Variants in RALGPS1 observed in about 807,000 individuals in gnomAD.
The protein encoded by RALGPS1 is ras-specific guanine nucleotide-releasing factor RalGPS1.
RALGPS1 carries 19 observed loss-of-function variants against 78.8 expected under a neutral mutation model. The ratio of observed to expected loss-of-function variants is 0.24; its 90% CI spans 0.17 to 0.35. RALGPS1 has a LOEUF of 0.35. RALGPS1 is among the 10% of genes least tolerant of loss of function. RALGPS1 has a pLI of 1.00. For missense variants in RALGPS1, 454 were observed against 688.3 expected (o/e 0.66, Z 3.81); for synonymous variants, 228 against 256.3 (o/e 0.89, Z 1.06).
chr9:126,991,482 G>A (rs568910513), intron 4 of RALGPS1, among the ~76,000 whole-genome samples: 3 of 152,250 alleles, frequency 2.0e-5, no homozygotes, highest in African/African-American at 7.2e-5. Flanking sequence ...AGAGCCTTTG[G>A]TGAACAGCTG....
intron 7 of RALGPS1, among the ~76,000 whole-genome samples, chr9:127,054,587 G>A (rs1251822262): frequency 2.0e-5 from 3 of 152,148 alleles, no homozygotes; most frequent in African/African-American, 7.2e-5. Flanking sequence ...GCAGCAGCAG[G>A]TCACAGCAGT....
intron 7 of RALGPS1, among the ~76,000 whole-genome samples, chr9:127,061,342 A>G (rs748476654): frequency 6.6e-6 from 1 of 152,174 alleles, no homozygotes; most frequent in African/African-American, 2.4e-5. Flanking sequence ...GCCATAATCA[A>G]CTCATTCTTT....
intron 5 of RALGPS1, among the ~76,000 whole-genome samples, chr9:127,036,561 G>C (rs2046881165): frequency 6.6e-6 from 1 of 152,204 alleles, no homozygotes; most frequent in South Asian, 2.1e-4. Context: ...AGAGAAATGT[G>C]AAGATCAGCT....
intron 1 of RALGPS1, among the ~76,000 whole-genome samples, chr9:126,924,497 T>A (rs2035074378): frequency 6.6e-6 from 1 of 152,180 alleles, no homozygotes; most frequent in Non-Finnish European, 1.5e-5. Context: ...GAAAGATCAA[T>A]GAATATGAAG....
At chr9:127,162,171 TGCTC>T (rs2059059093) in intron 8 of RALGPS1, among the ~76,000 whole-genome samples, 2 of 152,230 alleles carry the variant, frequency 1.3e-5, no homozygotes, top group Non-Finnish European at 2.9e-5. Flanking sequence ...AGCTCCTGTG[TGCTC>T]AGTTCTAGAT....
At chr9:127,072,332 C>T (rs1382047519) in intron 8 of RALGPS1, among the ~76,000 whole-genome samples, 1 of 152,170 alleles carries the variant, frequency 6.6e-6, no homozygotes, top group African/African-American at 2.4e-5. Flanking sequence ...CCCGCCTCAG[C>T]CTCCCAAGTA....
intron 7 of RALGPS1, among the ~76,000 whole-genome samples, chr9:127,062,064 A>ATG (rs1221876819): frequency 2.0e-5 from 3 of 152,044 alleles, no homozygotes; most frequent in Non-Finnish European, 4.4e-5. Flanking sequence ...ATGTATGTAT[A>ATG]TGTGTGTGTG....
chr9:126,933,824 G>T (rs1006818307), intron 1 of RALGPS1, among the ~76,000 whole-genome samples: 1 of 152,104 alleles, frequency 6.6e-6, no homozygotes, highest in African/African-American at 2.4e-5. Context: ...TGCAGGGGGG[G>T]TGTGCCACAC....
chr9:127,006,983 T>C (rs1043063700), intron 4 of RALGPS1, among the ~76,000 whole-genome samples: 5 of 152,140 alleles, frequency 3.3e-5, no homozygotes, highest in Non-Finnish European at 7.4e-5. Flanking sequence ...AAATAATCTC[T>C]GAAAAGATTT....
rs765089810 is a variant in RALGPS1, at chr9:127,220,797, G to A, written c.*2028G>A. ...CTTGGGTTTTTCCACTCTGCAAACTGTCCTGGTTTTTCACACCAATGAAGT... is the reference window on the plus strand; with the variant it reads ...CTTGGGTTTTTCCACTCTGCAAACTATCCTGGTTTTTCACACCAATGAAGT... On this transcript the variant is annotated 3_prime_UTR_variant, in exon 19 of 19. Coordinates refer to ENST00000259351, the MANE Select transcript of RALGPS1 (RefSeq NM_014636.3). 6.6e-6 allele frequency: 1 copy of A among 152,566 alleles called. No individual in the cohort carries two copies. The highest frequency in any genetic ancestry group is 6.5e-5 in the Admixed American group (1 of 15,296). 9.5% of individuals were successfully genotyped at this position (152,566 alleles called of 1,614,324 possible).
rs542731406 is a variant in RALGPS1 at position 127,111,449 on chromosome 9, G to A, written c.610+42093G>A. Among the ~76,000 whole-genome samples the A allele has an allele frequency of 2.6e-5, 4 of 152,328 alleles. 1 individual carries two copies. Among genetic ancestry groups the A allele is most frequent in the African/African-American group, 9.6e-5 (4 of 41,576 alleles). On this transcript the variant is annotated intron_variant, in intron 8 of 18. Transcript: ENST00000259351. ...ACCACGTGGCCTGAAATACATAGGA[G>A]CTCAATAAATATTTGTTGATGGAAT...
intron 11 of RALGPS1, among the ~76,000 whole-genome samples, chr9:127,186,144 T>G (rs2060628275): frequency 6.6e-6 from 1 of 152,228 alleles, no homozygotes; most frequent in African/African-American, 2.4e-5. Context: ...CCTGTTGCTT[T>G]CTTGAAAGAA....
intron 1 of RALGPS1, among the ~76,000 whole-genome samples, chr9:126,948,122 G>A (rs2037456083): frequency 6.6e-6 from 1 of 152,112 alleles, no homozygotes; most frequent in South Asian, 2.1e-4. Context: ...CTGGGGACAG[G>A]GACTAGGTAG....
At chr9:127,136,851 G>T (rs899473054) in intron 8 of RALGPS1, among the ~76,000 whole-genome samples, 1 of 152,110 alleles carries the variant, frequency 6.6e-6, no homozygotes, top group Non-Finnish European at 1.5e-5. Flanking sequence ...GCCTCTGACC[G>T]CATGGAGTCA....
chr9:127,035,238 AC>A (rs916073130), intron 5 of RALGPS1, among the ~76,000 whole-genome samples: 10 of 152,286 alleles, frequency 6.6e-5, no homozygotes, highest in African/African-American at 2.2e-4. Context: ...CTCAGGAAGT[AC>A]CTTTTAAATT....
chr9:126,937,086 G>A (rs2036335467), intron 1 of RALGPS1, among the ~76,000 whole-genome samples: 2 of 152,142 alleles, frequency 1.3e-5, no homozygotes, highest in East Asian at 1.9e-4. Flanking sequence ...CTGACCTCAG[G>A]TGATCCGCCC....
intron 1 of RALGPS1, among the ~76,000 whole-genome samples, chr9:126,937,517 A>G (rs181048602): frequency 2.0e-5 from 3 of 152,330 alleles, no homozygotes; most frequent in Non-Finnish European, 4.4e-5. Flanking sequence ...ACATCCTCAC[A>G]TAAAAAAGTA....
chr9:126,986,121 T>C (rs1489310324), intron 4 of RALGPS1, among the ~76,000 whole-genome samples: 1 of 152,214 alleles, frequency 6.6e-6, no homozygotes, highest in Non-Finnish European at 1.5e-5. Flanking sequence ...TTTTCATGAC[T>C]TCTGCTGGTT....
At chr9:127,157,530 A>C (rs779879016) in intron 8 of RALGPS1, among the ~76,000 whole-genome samples, 2 of 152,046 alleles carry the variant, frequency 1.3e-5, no homozygotes, top group African/African-American at 4.8e-5. Context: ...TTATTTTTCT[A>C]TCAAATATGT....
Sources: gnomAD v4.1 joint callset for allele counts (sites outside exome capture counted in the v4.1 genomes callset) on GRCh38, gnomAD v4.1.1 for gene constraint, MANE v1.5 for transcripts, NCBI Gene and HGNC (gene_info 2026-07-23, HGNC 2026-07-21) for gene names.